Variants in OPCML observed in about 807,000 individuals in gnomAD.
OPCML encodes the protein opioid-binding protein/cell adhesion molecule.
OPCML carries 13 observed loss-of-function variants against 37.8 expected under a neutral mutation model. The ratio of observed to expected loss-of-function variants is 0.34; its 90% CI spans 0.22 to 0.55. OPCML has a LOEUF of 0.55. OPCML is among the 20% of genes least tolerant of loss of function. The pLI is 0.91. For missense variants in OPCML, 341 were observed against 435.6 expected (o/e 0.78, Z 1.93); for synonymous variants, 176 against 168.8 (o/e 1.04, Z -0.33).
At chr11:132,835,959 T>C (rs4448689) in intron 2 of OPCML, among the ~76,000 whole-genome samples, 131,707 of 151,788 alleles carry the variant, frequency 0.87, 58,064 homozygotes, top group Middle Eastern at 0.96. Flanking sequence ...TGTTGTTGTT[T>C]CATGTTCTCT....
chr11:133,130,690 A>C (rs1949589745), intron 1 of OPCML, among the ~76,000 whole-genome samples: 1 of 152,234 alleles, frequency 6.6e-6, no homozygotes, highest in Non-Finnish European at 1.5e-5. Flanking sequence ...AATTCAAGAC[A>C]TACAAAGCTA....
intron 1 of OPCML, among the ~76,000 whole-genome samples, chr11:132,987,009 A>G (rs1280775647): frequency 1.3e-5 from 2 of 152,192 alleles, no homozygotes; most frequent in African/African-American, 4.8e-5. Context: ...GAGGGAGCAC[A>G]GGACTTCAAG....
chr11:133,140,943 A>AGAC lies in OPCML; in HGVS notation c.62-197936_62-197934dup, dbSNP rs201331818. 5.1e-4 allele frequency among the ~76,000 whole-genome samples: 7 copies of AGAC among 13,668 alleles called. 2 individuals are homozygous for AGAC. The highest frequency in any genetic ancestry group is 1.1e-3 in the African/African-American group (7 of 6,180). The allele number at this position is 13,668 out of a possible 152,430, so 9.0% of individuals were successfully genotyped here. A position where few individuals can be genotyped will look rare whatever the true frequency, so the allele number is the denominator to read the frequency against. The stretch of plus-strand genomic sequence containing the variant: ...AAGACGACGACGACGAAGAAGAAGA[A>AGAC]GACGACGAAGAAGAAGAAGAAGAAG... On this transcript the variant is annotated intron_variant, in intron 1 of 7. Coordinates refer to ENST00000524381, the MANE Select transcript of OPCML (RefSeq NM_001012393.5).
chr11:133,301,799 A>G (rs931771631), intron 1 of OPCML: 1 of 152,170 alleles, frequency 6.6e-6, no homozygotes, highest in African/African-American at 2.4e-5. Flanking sequence ...GACACTGAAC[A>G]TATACAAGAT....
At chr11:133,507,245 G>A (rs1354964279) in intron 1 of OPCML, among the ~76,000 whole-genome samples, 1 of 152,188 alleles carries the variant, frequency 6.6e-6, no homozygotes, top group African/African-American at 2.4e-5. Context: ...CTTCAAAGGG[G>A]AGAACTCCAG....
intron 1 of OPCML, among the ~76,000 whole-genome samples, chr11:133,412,977 C>G (rs931973323): frequency 2.0e-5 from 3 of 152,160 alleles, no homozygotes; most frequent in Non-Finnish European, 4.4e-5. Context: ...GGAGGACTTA[C>G]ATTTCTGTGA....
intron 1 of OPCML, among the ~76,000 whole-genome samples, chr11:133,054,544 CATCT>C (rs1948187251): frequency 6.6e-6 from 1 of 152,200 alleles, no homozygotes; most frequent in South Asian, 2.1e-4. Flanking sequence ...TTATTAACTT[CATCT>C]ATTTGTTGTC....
At chr11:133,520,099 C>T (rs1045175210) in intron 1 of OPCML, among the ~76,000 whole-genome samples, 1 of 152,130 alleles carries the variant, frequency 6.6e-6, no homozygotes, top group Non-Finnish European at 1.5e-5. Context: ...CCAGGCAAGA[C>T]AAAGACTCAA....
intron 2 of OPCML, among the ~76,000 whole-genome samples, chr11:132,857,656 G>A (rs1942112365): frequency 6.6e-6 from 1 of 152,118 alleles, no homozygotes; most frequent in African/African-American, 2.4e-5. Context: ...TAAGAAACAT[G>A]CAAAGCTATA....
chr11:132,602,601 C>T (rs779631420), intron 3 of OPCML, among the ~76,000 whole-genome samples: 32 of 152,150 alleles, frequency 2.1e-4, no homozygotes, highest in Non-Finnish European at 3.1e-4. Context: ...TACTCCTTTG[C>T]GTGGGGTCCC....
At chr11:133,460,372 C>T (rs190640250) in intron 1 of OPCML, among the ~76,000 whole-genome samples, 1 of 151,540 alleles carries the variant, frequency 6.6e-6, no homozygotes, top group African/African-American at 2.4e-5. Flanking sequence ...AGATTAAAGA[C>T]AAATACAAAT....
At chr11:132,684,057 T>C (rs1307543149) in intron 2 of OPCML, among the ~76,000 whole-genome samples, 1 of 152,162 alleles carries the variant, frequency 6.6e-6, no homozygotes, top group Non-Finnish European at 1.5e-5. Flanking sequence ...TACAATATTG[T>C]TTATGTTAAA....
chr11:133,397,463 G>A lies in OPCML; in HGVS notation c.61+134801C>T, dbSNP rs79787873. 1.8e-3 allele frequency among the ~76,000 whole-genome samples: 271 copies of A among 152,316 alleles called. 2 individuals are homozygous for A. The East Asian group carries it at 0.041, about 23-fold the overall frequency. ...CTGTTGTATTTGTAGCTTATGTACT[G>A]AGCGGACTTCAGATAGTCCTGCTTT... is the stretch of plus-strand genomic sequence containing the variant. On this transcript the variant is annotated intron_variant, in intron 1 of 7. Coordinates refer to ENST00000524381, the MANE Select transcript of OPCML (RefSeq NM_001012393.5).
At chr11:132,839,924 G>T (rs1565901440) in intron 2 of OPCML, among the ~76,000 whole-genome samples, 2 of 152,164 alleles carry the variant, frequency 1.3e-5, no homozygotes, top group Non-Finnish European at 2.9e-5. Flanking sequence ...GTCCCATTAA[G>T]ACTTCCTTCG....
intron 3 of OPCML, among the ~76,000 whole-genome samples, chr11:132,564,557 T>C (rs182532962): frequency 1.6e-4 from 25 of 152,340 alleles, no homozygotes; most frequent in African/African-American, 4.8e-4. Flanking sequence ...CCGCATAAAC[T>C]GATTATACTG....
At chr11:132,820,384 G>C (rs373546439) in intron 2 of OPCML, among the ~76,000 whole-genome samples, 98 of 152,296 alleles carry the variant, frequency 6.4e-4, no homozygotes, top group Middle Eastern at 3.4e-3. Flanking sequence ...TGTCTGAGCA[G>C]GCCAGTGATA....
chr11:132,726,720 C>T (rs1187995928), intron 2 of OPCML, among the ~76,000 whole-genome samples: 1 of 151,908 alleles, frequency 6.6e-6, no homozygotes, highest in South Asian at 2.1e-4. Flanking sequence ...AGAAGCAGGA[C>T]CGTGGAAGAG....
intron 2 of OPCML, among the ~76,000 whole-genome samples, chr11:132,835,941 A>G (rs1455297136): frequency 6.6e-6 from 1 of 152,072 alleles, no homozygotes; most frequent in Non-Finnish European, 1.5e-5. Flanking sequence ...ACAAATATCC[A>G]TTTTTGTTGT....
At chr11:133,118,894 G>A (rs1239377274) in intron 1 of OPCML, among the ~76,000 whole-genome samples, 1 of 152,172 alleles carries the variant, frequency 6.6e-6, no homozygotes, top group Non-Finnish European at 1.5e-5. Flanking sequence ...CCTCCACCAA[G>A]CAAATGGCTG....
Sources: allele counts gnomAD v4.1 joint callset (sites outside exome capture counted in the v4.1 genomes callset), GRCh38; gene constraint gnomAD v4.1.1; transcripts MANE v1.5; gene names NCBI Gene and HGNC (gene_info 2026-07-23, HGNC 2026-07-21).